KAT7: variants seen among roughly 807,000 people sequenced by gnomAD.
The protein encoded by KAT7 is histone acetyltransferase KAT7.
In KAT7, 10 loss-of-function variants were observed where a neutral mutation model predicts 82.1. That is an observed-to-expected ratio of 0.12 (90% CI 0.08 to 0.21). The LOEUF is 0.21. Among genes scored for constraint, KAT7 ranks in the 10% least tolerant of loss-of-function variants. The pLI, the probability that KAT7 is intolerant of heterozygous loss-of-function variation, is 1.00. For synonymous variants in KAT7, 250 were observed against 262.5 expected, an observed-to-expected ratio of 0.95 and a Z score of 0.46; for missense variants, 378 against 760.9, an observed-to-expected ratio of 0.50 and a Z score of 5.92.
At position 49,833,517 on chromosome 17, in the gene KAT7, A is replaced by G. The variant is rs2074440393; in HGVS notation, c.*6015A>G. 1 of 152,194 alleles carries G rather than the reference A, an allele frequency of 6.6e-6. No homozygotes were observed. The highest frequency in any genetic ancestry group is 2.4e-5 in the African/African-American group (1 of 41,432). The allele number at this position is 152,194 out of a possible 1,614,324, so 9.4% of individuals were successfully genotyped here. Reference sequence around the variant, plus strand: ...AGGGCTGAACTTGTGACTTGTTTTGACTAATAGGATATGGAAGTGATATTT... The same window carrying G: ...AGGGCTGAACTTGTGACTTGTTTTGGCTAATAGGATATGGAAGTGATATTT... On this transcript the variant is annotated 3_prime_UTR_variant, in exon 15 of 15. Transcript: ENST00000259021.
rs1391362239 is a variant in KAT7, at chr17:49,834,705, T to C, written c.*7203T>C. On this transcript the variant is annotated 3_prime_UTR_variant, in exon 15 of 15. Coordinates refer to ENST00000259021, the MANE Select transcript of KAT7 (RefSeq NM_007067.5). ...GTGTGTTCCATTAAATACCAAAGTA[T>C]AGGCAAAAAGTTCTGTGGTCAAATA... The C allele has an allele frequency of 6.6e-6, 1 of 152,168 alleles. No individual in the cohort carries two copies. The highest frequency in any genetic ancestry group is 1.5e-5 in the Non-Finnish European group (1 of 68,020). The allele number at this position is 152,168 out of a possible 1,614,324, so 9.4% of individuals were successfully genotyped here. A position where few individuals can be genotyped will look rare whatever the true frequency, so the allele number is the denominator to read the frequency against.
rs756087058 is a variant in KAT7 at position 49,798,598 on chromosome 17, G to GTT, written c.580+41_580+42dup. 4.5e-6 allele frequency: 7 copies of GTT among 1,557,112 alleles called. No individual in the cohort carries two copies. In the South Asian group the frequency reaches 8.4e-5, roughly 19 times the overall value. ...GCTTCATGACATCCTTTGTTCTGTG[G>GTT]TTCTCTCTCCCAGGATCATCCAGAA... On this transcript the variant is annotated intron_variant, in intron 4 of 14. Coordinates refer to ENST00000259021, the MANE Select transcript of KAT7 (RefSeq NM_007067.5).
chr17:49,820,075 T>TGA (rs1192205457), intron 9 of KAT7, among the ~76,000 whole-genome samples: 1 of 152,176 alleles, frequency 6.6e-6, no homozygotes, highest in Non-Finnish European at 1.5e-5. Context: ...GGCAAAATAG[T>TGA]GAGACTCTGT....
chr17:49,826,826 A>G (rs780443507), intron 14 of KAT7, 27 bp downstream of exon 14: 2 of 1,439,242 alleles, frequency 1.4e-6, no homozygotes, highest in East Asian at 4.6e-5. Flanking sequence ...GGGCTTGCTC[A>G]TTGCTGGATG....
intron 11 of KAT7, 36 bp from the exon 12 acceptor site, chr17:49,823,166 C>A: frequency 8.3e-7 from 1 of 1,203,460 alleles, no homozygotes; most frequent in Non-Finnish European, 1.2e-6. Context: ...GTTTCAAATC[C>A]TCATGACGTG....
rs1259760961 is a variant in KAT7, at chr17:49,833,370, C to A, written c.*5868C>A. On this transcript the variant is annotated 3_prime_UTR_variant, in exon 15 of 15. Transcript: ENST00000259021. The stretch of plus-strand genomic sequence containing the variant: ...CATTCAATTCCAAAGTTATCAGAAA[C>A]CTACACTCTTATCTCACAAATTTAG... 1 of 152,196 alleles carries A rather than the reference C, an allele frequency of 6.6e-6. No individual in the cohort carries two copies. Among genetic ancestry groups the A allele is most frequent in the African/African-American group, 2.4e-5 (1 of 41,454 alleles). 9.4% of individuals were successfully genotyped at this position (152,196 alleles called of 1,614,324 possible).
At chr17:49,793,728 G>A (rs1371736899) in intron 2 of KAT7, among the ~76,000 whole-genome samples, 2 of 151,836 alleles carry the variant, frequency 1.3e-5, no homozygotes, top group African/African-American at 2.4e-5. Context: ...GCACGCCACC[G>A]TGCCCAGCTA....
At chr17:49,818,617 G>A (rs1395500068) in intron 9 of KAT7, among the ~76,000 whole-genome samples, 13 of 152,170 alleles carry the variant, frequency 8.5e-5, no homozygotes, top group East Asian at 5.8e-4. Context: ...CAAAAAAAAA[G>A]CCATTTTTCC....
chr17:49,795,150 G>A (rs991536130), intron 2 of KAT7, among the ~76,000 whole-genome samples: 2 of 151,898 alleles, frequency 1.3e-5, no homozygotes, highest in African/African-American at 2.4e-5. Flanking sequence ...GATTTTGACT[G>A]TTCTCACCAC....
chr17:49,816,864 T>A (rs1007109176), intron 8 of KAT7, among the ~76,000 whole-genome samples: 3 of 151,786 alleles, frequency 2.0e-5, no homozygotes, highest in African/African-American at 7.3e-5. Flanking sequence ...CAAACTGGAG[T>A]GCAGTGGTGC....
chr17:49,805,580 A>C (rs1276454444), intron 5 of KAT7, 135 bp downstream of exon 5: 2 of 506,892 alleles, frequency 3.9e-6, no homozygotes, highest in Admixed American at 7.7e-5. Context: ...TGGAGGAAAC[A>C]TAAAAAACAA....
At position 49,818,008 on chromosome 17, in the gene KAT7, C is replaced by T; in HGVS notation, c.1152C>T (p.His384=). ...AGAGCCAAACGATACTCCGCCGGCA[C>T]ATGGTGAGTTGTCTTGGGTTCCTCT... The part of the protein sequence containing the change: ...YMKSQTILRR[H]MAKCVWKHPP... The change falls in exon 9 of 15, where the codon CAC becomes CAT. Residue 384 remains histidine, a synonymous_variant. Coordinates refer to ENST00000259021, the MANE Select transcript of KAT7 (RefSeq NM_007067.5). 1 of 1,613,122 alleles carries T rather than the reference C, an allele frequency of 6.2e-7. No individual in the cohort carries two copies. Among genetic ancestry groups the T allele is most frequent in the Non-Finnish European group, 8.5e-7 (1 of 1,179,178 alleles).
chr17:49,822,112 CTA>C (rs1341347314), intron 11 of KAT7, among the ~76,000 whole-genome samples: 1 of 152,124 alleles, frequency 6.6e-6, no homozygotes, highest in African/African-American at 2.4e-5. Flanking sequence ...TTGCCTGCCT[CTA>C]TGTTATTAGC....
chr17:49,800,458 C>T (rs1227618795), intron 4 of KAT7, among the ~76,000 whole-genome samples: 1 of 152,118 alleles, frequency 6.6e-6, no homozygotes, highest in East Asian at 1.9e-4. Flanking sequence ...ATGAGAAAAA[C>T]TAAGAAAGAC....
chr17:49,813,475 A>C (rs890322924), intron 7 of KAT7, among the ~76,000 whole-genome samples: 5 of 152,168 alleles, frequency 3.3e-5, no homozygotes, highest in Non-Finnish European at 7.3e-5. Context: ...GCATGTGAAT[A>C]CTTAGTCAGA....
At chr17:49,823,501 T>C in intron 12 of KAT7, 2 of 503,234 alleles carry the variant, frequency 4.0e-6, no homozygotes, top group Non-Finnish European at 7.1e-6. Context: ...GACTCCTCCT[T>C]AATGAGTAGG....
At chr17:49,800,929 T>A (rs1331466506) in intron 4 of KAT7, among the ~76,000 whole-genome samples, 3 of 152,156 alleles carry the variant, frequency 2.0e-5, no homozygotes, top group Non-Finnish European at 2.9e-5. Context: ...GAGCGGAGAC[T>A]TGCTGTTGGA....
At chr17:49,795,075 T>C (rs1444033202) in intron 2 of KAT7, among the ~76,000 whole-genome samples, 1 of 151,920 alleles carries the variant, frequency 6.6e-6, no homozygotes, top group Non-Finnish European at 1.5e-5. Flanking sequence ...CACCGCGCCC[T>C]GGCCTGTGCA....
rs945834950 is a variant in KAT7, at chr17:49,823,098, T to TGC, written c.1387-104_1387-103insGC. The TGC allele has an allele frequency of 4.7e-5, 33 of 697,152 alleles. No homozygotes were observed. The African/African-American group carries it at 4.9e-4, about 10-fold the overall frequency. The allele number at this position is 697,152 out of a possible 1,614,324, so 43.2% of individuals were successfully genotyped here. On this transcript the variant is annotated intron_variant, in intron 11 of 14. Coordinates refer to ENST00000259021, the MANE Select transcript of KAT7 (RefSeq NM_007067.5). ...CTGGCAGCCACTCCTTGGGACTGGT[T>TGC]AGCCAGATGTTTTGCAAGCAGCCTT...
Sources: gnomAD v4.1 joint callset for allele counts (sites outside exome capture counted in the v4.1 genomes callset) on GRCh38, gnomAD v4.1.1 for gene constraint, MANE v1.5 for transcripts, NCBI Gene and HGNC (gene_info 2026-07-23, HGNC 2026-07-21) for gene names.